WWOX: variants seen among roughly 807,000 people sequenced by gnomAD.
WWOX encodes WW domain containing oxidoreductase, also known as WW domain-containing oxidoreductase.
In WWOX, 69 loss-of-function variants were observed where a neutral mutation model predicts 46.2. The ratio of observed to expected loss-of-function variants is 1.49; its 90% CI spans 1.23 to 1.82. The LOEUF (loss-of-function observed/expected upper bound fraction) is 1.82. Among genes scored for constraint, WWOX ranks in the 40% most tolerant of loss-of-function variants. WWOX has a pLI of 0.00. For synonymous variants in WWOX, 359 were observed against 202.6 expected (o/e 1.77, Z -6.56); for missense variants, 919 against 542.6 (o/e 1.69, Z -6.89).
intron 8 of WWOX, among the ~76,000 whole-genome samples, chr16:78,733,980 C>T (rs2049025551): frequency 6.7e-6 from 1 of 150,034 alleles, no homozygotes; most frequent in Admixed American, 6.6e-5. Context: ...GGATCCTCTG[C>T]ACCCAGGTAG....
At chr16:78,352,374 C>T (rs540312751) in intron 5 of WWOX, among the ~76,000 whole-genome samples, 29 of 152,310 alleles carry the variant, frequency 1.9e-4, no homozygotes, top group Non-Finnish European at 3.7e-4. Context: ...GGGCTAAAAT[C>T]GATGTGTCAG....
intron 8 of WWOX, among the ~76,000 whole-genome samples, chr16:78,767,152 A>G (rs1347228013): frequency 7.6e-6 from 1 of 130,926 alleles, no homozygotes; most frequent in Admixed American, 9.6e-5. Context: ...ACAGGGTCTC[A>G]CTCTGTTGCC....
At chr16:78,773,359 T>A (rs7206356) in intron 8 of WWOX, among the ~76,000 whole-genome samples, 3 of 152,176 alleles carry the variant, frequency 2.0e-5, no homozygotes, top group East Asian at 3.9e-4. Context: ...TTCAGCTGTT[T>A]CCTAGCTTGG....
At chr16:78,716,686 A>G (rs1482190419) in intron 8 of WWOX, among the ~76,000 whole-genome samples, 2 of 151,824 alleles carry the variant, frequency 1.3e-5, no homozygotes, top group African/African-American at 2.4e-5. Flanking sequence ...ACCCAAGGAG[A>G]ATCATGGGAC....
chr16:78,724,363 C>T (rs965279617), intron 8 of WWOX, among the ~76,000 whole-genome samples: 1 of 152,174 alleles, frequency 6.6e-6, no homozygotes, highest in African/African-American at 2.4e-5. Flanking sequence ...CCTTTAGCAA[C>T]AACTCCTAAA....
chr16:78,724,479 A>G (rs1183707782), intron 8 of WWOX, among the ~76,000 whole-genome samples: 1 of 152,176 alleles, frequency 6.6e-6, no homozygotes, highest in Non-Finnish European at 1.5e-5. Flanking sequence ...CATTATCATT[A>G]TAATAAATGT....
intron 8 of WWOX, among the ~76,000 whole-genome samples, chr16:78,602,675 T>C (rs577616238): frequency 6.6e-6 from 1 of 152,366 alleles, no homozygotes; most frequent in East Asian, 1.9e-4. Flanking sequence ...GTTCTGATCA[T>C]TGTCATGACA....
intron 8 of WWOX, among the ~76,000 whole-genome samples, chr16:78,843,799 A>T (rs1007756347): frequency 2.6e-5 from 4 of 152,210 alleles, no homozygotes; most frequent in African/African-American, 9.6e-5. Flanking sequence ...GTTTTTTAAA[A>T]TAAGTTTGAT....
At position 78,709,348 on chromosome 16, in the gene WWOX, T is replaced by A. The variant is rs145068707; in HGVS notation, c.1056+276596T>A. ...ATCACAGAGAGAAGCTTGTTGGAGT[T>A]GTCTGGCTGAAGGAAAGCCCGCGAT... is the stretch of plus-strand genomic sequence containing the variant. On this transcript the variant is annotated intron_variant, in intron 8 of 8. Transcript: ENST00000566780. Among the ~76,000 whole-genome samples the A allele has an allele frequency of 3.3e-5, 5 of 152,214 alleles. No homozygotes were observed. The East Asian group carries it at 9.6e-4, about 29-fold the overall frequency.
At chr16:78,565,466 C>T (rs937166980) in intron 8 of WWOX, among the ~76,000 whole-genome samples, 1 of 152,168 alleles carries the variant, frequency 6.6e-6, no homozygotes. Flanking sequence ...ATCACATCTC[C>T]TTTACTGATT....
intron 8 of WWOX, among the ~76,000 whole-genome samples, chr16:78,930,657 G>A (rs921079966): frequency 6.7e-5 from 10 of 149,432 alleles, no homozygotes; most frequent in Admixed American, 6.7e-4. Context: ...TGGGTTTCCT[G>A]TTAATTGCAG....
intron 5 of WWOX, among the ~76,000 whole-genome samples, chr16:78,238,507 G>C (rs1320429440): frequency 6.6e-6 from 1 of 151,980 alleles, no homozygotes; most frequent in Non-Finnish European, 1.5e-5. Flanking sequence ...CTACCATGTT[G>C]GCCAGGCTGA....
At chr16:78,326,231 C>T (rs1252081780) in intron 5 of WWOX, among the ~76,000 whole-genome samples, 4 of 152,128 alleles carry the variant, frequency 2.6e-5, no homozygotes, top group Non-Finnish European at 5.9e-5. Context: ...TGGGGATGCT[C>T]ACAAAAGGGC....
At chr16:78,520,979 A>G (rs62033975) in intron 8 of WWOX, among the ~76,000 whole-genome samples, 13,949 of 152,202 alleles carry the variant, frequency 0.092, 707 homozygotes, top group Non-Finnish European at 0.1. Flanking sequence ...CAGGGCGAGC[A>G]GTTATGGGTG....
At chr16:78,815,451 T>C (rs1597659457) in intron 8 of WWOX, among the ~76,000 whole-genome samples, 2 of 152,246 alleles carry the variant, frequency 1.3e-5, no homozygotes, top group African/African-American at 4.8e-5. Context: ...CACCGACCTT[T>C]ACAAACAGTG....
chr16:78,633,809 G>A (rs546443696), intron 8 of WWOX, among the ~76,000 whole-genome samples: 1 of 152,128 alleles, frequency 6.6e-6, no homozygotes, highest in Non-Finnish European at 1.5e-5. Context: ...CTGTGTTCCC[G>A]AGTGCATCAA....
At chr16:78,411,637 A>G (rs573806398) in intron 6 of WWOX, among the ~76,000 whole-genome samples, 3 of 152,224 alleles carry the variant, frequency 2.0e-5, no homozygotes, top group East Asian at 3.9e-4. Context: ...GTTTTTGAGA[A>G]TGGGTAGGTA....
intron 8 of WWOX, among the ~76,000 whole-genome samples, chr16:78,679,865 C>T (rs1567485318): frequency 1.3e-5 from 2 of 152,220 alleles, no homozygotes; most frequent in Non-Finnish European, 2.9e-5. Flanking sequence ...ATTGCTGCCG[C>T]ATTTGCTTAG....
chr16:78,333,946 G>T (rs534325373), intron 5 of WWOX, among the ~76,000 whole-genome samples: 6 of 145,464 alleles, frequency 4.1e-5, no homozygotes, highest in African/African-American at 1.6e-4. Flanking sequence ...GAAACCTTGC[G>T]TGATCCACTG....
Sources: allele counts gnomAD v4.1 joint callset (sites outside exome capture counted in the v4.1 genomes callset), GRCh38; gene constraint gnomAD v4.1.1; transcripts MANE v1.5; gene names NCBI Gene and HGNC (gene_info 2026-07-23, HGNC 2026-07-21).